The following TENM3 variants were observed in gnomAD, a reference collection of about 807,000 sequenced individuals.
TENM3 encodes the protein teneurin transmembrane protein 3, also known as teneurin-3.
TENM3 carries 63 observed loss-of-function variants against 255.1 expected under a neutral mutation model. That is an observed-to-expected ratio of 0.25 (90% CI 0.20 to 0.30). The LOEUF is 0.30. Among genes scored for constraint, TENM3 ranks in the 10% least tolerant of loss-of-function variants. The pLI is 1.00. For synonymous variants in TENM3, 1,306 were observed against 1,322.3 expected (o/e 0.99, Z 0.27); for missense variants, 2,929 against 3,461.1 (o/e 0.85, Z 3.86).
chr4:181,716,621 A>T, the TENM3 span, among the ~76,000 whole-genome samples: 1 of 152,184 alleles, frequency 6.6e-6, no homozygotes. Flanking sequence ...TCAGTTGGTA[A>T]TCTGTAAAAT....
At chr4:181,769,759 C>G in the TENM3 span, among the ~76,000 whole-genome samples, 1 of 152,004 alleles carries the variant, frequency 6.6e-6, no homozygotes, top group South Asian at 2.1e-4. Context: ...ACATCTGGAA[C>G]GTATTATTAT....
chr4:181,524,509 G>A, the TENM3 span, among the ~76,000 whole-genome samples: 1 of 152,118 alleles, frequency 6.6e-6, no homozygotes, highest in Non-Finnish European at 1.5e-5. Context: ...TCAGTTCCTA[G>A]CAGGTTTTAT....
At chr4:181,667,155 C>T in the TENM3 span, among the ~76,000 whole-genome samples, 2 of 152,038 alleles carry the variant, frequency 1.3e-5, no homozygotes, top group Non-Finnish European at 2.9e-5. Context: ...CTCCATAAGT[C>T]CCACTACACA....
the TENM3 span, among the ~76,000 whole-genome samples, chr4:181,988,033 A>C: frequency 1.3e-5 from 2 of 152,018 alleles, no homozygotes; most frequent in African/African-American, 2.4e-5. Flanking sequence ...GATTTTTAAA[A>C]AATGAGAGTT....
the TENM3 span, among the ~76,000 whole-genome samples, chr4:181,494,885 G>A: frequency 4.6e-5 from 7 of 151,872 alleles, no homozygotes; most frequent in African/African-American, 7.3e-5. Flanking sequence ...ATACTTCATC[G>A]GAAACTTCTG....
the TENM3 span, among the ~76,000 whole-genome samples, chr4:181,791,043 A>G: frequency 6.6e-6 from 1 of 152,204 alleles, no homozygotes; most frequent in Non-Finnish European, 1.5e-5. Flanking sequence ...GCATGTACAG[A>G]ATACACTGGA....
the TENM3 span, among the ~76,000 whole-genome samples, chr4:181,450,354 A>G: frequency 6.6e-6 from 1 of 152,230 alleles, no homozygotes; most frequent in African/African-American, 2.4e-5. Flanking sequence ...TCAATATTAC[A>G]TACCTGAGTA....
At chr4:182,078,625 C>A in the TENM3 span, among the ~76,000 whole-genome samples, 1 of 152,152 alleles carries the variant, frequency 6.6e-6, no homozygotes, top group Non-Finnish European at 1.5e-5. Flanking sequence ...TAAAACAATC[C>A]TTCTCACTGC....
At chr4:182,265,166 G>GT in intron 1 of TENM3, among the ~76,000 whole-genome samples, 1 of 152,222 alleles carries the variant, frequency 6.6e-6, no homozygotes, top group Admixed American at 6.5e-5. Flanking sequence ...TTTGCATTGT[G>GT]TTATCTGACG....
the TENM3 span, among the ~76,000 whole-genome samples, chr4:182,021,066 A>G: frequency 1.3e-5 from 2 of 152,112 alleles, no homozygotes; most frequent in Admixed American, 6.5e-5. Flanking sequence ...ACAGTACCCC[A>G]CAGGAACTTT....
chr4:182,673,111 A>G lies in TENM3; in HGVS notation c.1218A>G (p.Ser406=). 6.2e-7 allele frequency: 1 copy of G among 1,613,498 alleles called. No individual in the cohort carries two copies. The highest frequency in any genetic ancestry group is 8.5e-7 in the Non-Finnish European group (1 of 1,179,514). The change falls in exon 7 of 28, where the codon TCA becomes TCG. Residue 406 remains serine, a synonymous_variant. Coordinates refer to ENST00000511685, the MANE Select transcript of TENM3 (RefSeq NM_001080477.4). ...TTCCTCCCGGGATCTTCTGGAGATC[A>G]CAGCTCTTCATTGATCAGCCACAGT... ...QEIPPGIFWR[S]QLFIDQPQFL...
intron 3 of TENM3, among the ~76,000 whole-genome samples, chr4:182,587,927 ATAAGAT>A (rs1378005175): frequency 6.6e-6 from 1 of 151,290 alleles, no homozygotes; most frequent in East Asian, 1.9e-4. Context: ...TGTCTTTAAT[ATAAGAT>A]AGTATGGTAG....
chr4:182,710,673 GTCC>G (rs1758685909), intron 12 of TENM3, among the ~76,000 whole-genome samples: 1 of 152,194 alleles, frequency 6.6e-6, no homozygotes, highest in South Asian at 2.1e-4. Flanking sequence ...TCTGTTAGGA[GTCC>G]TCCTACCACT....
chr4:182,729,586 G>C (rs1760516382), intron 14 of TENM3, among the ~76,000 whole-genome samples: 1 of 152,134 alleles, frequency 6.6e-6, no homozygotes, highest in Non-Finnish European at 1.5e-5. Flanking sequence ...CGGCATGGCA[G>C]TAAGATTGCA....
At chr4:182,634,707 T>A (rs1332609142) in intron 5 of TENM3, among the ~76,000 whole-genome samples, 78 of 116,340 alleles carry the variant, frequency 6.7e-4, no homozygotes, top group Non-Finnish European at 8.0e-4. Context: ...ACTCTGAAAT[T>A]AAAAAAAAAA....
the TENM3 span, among the ~76,000 whole-genome samples, chr4:181,507,443 G>T: frequency 8.3e-4 from 127 of 152,298 alleles, no homozygotes; most frequent in African/African-American, 2.8e-3. Context: ...TTTACGAAAC[G>T]ATTCCTAAAC....
At chr4:181,907,795 C>A in the TENM3 span, among the ~76,000 whole-genome samples, 1 of 152,036 alleles carries the variant, frequency 6.6e-6, no homozygotes, top group Non-Finnish European at 1.5e-5. Flanking sequence ...ACATTCGAGG[C>A]CAACTGCTTG....
chr4:182,209,551 C>G (rs1487303879), intron 1 of TENM3, among the ~76,000 whole-genome samples: 1 of 152,154 alleles, frequency 6.6e-6, no homozygotes, highest in Non-Finnish European at 1.5e-5. Context: ...AGAATAGCTC[C>G]TCTTTGCCGA....
intron 7 of TENM3, among the ~76,000 whole-genome samples, chr4:182,677,090 A>G (rs571138416): frequency 6.6e-6 from 1 of 152,314 alleles, no homozygotes; most frequent in African/African-American, 2.4e-5. Flanking sequence ...CTAAGAACAA[A>G]GATTATTAAG....
Sources: allele counts gnomAD v4.1 joint callset (sites outside exome capture counted in the v4.1 genomes callset), GRCh38; gene constraint gnomAD v4.1.1; transcripts MANE v1.5; gene names NCBI Gene and HGNC (gene_info 2026-07-23, HGNC 2026-07-21).